Variants in KCNH7 observed in about 807,000 individuals in gnomAD.
KCNH7 encodes potassium voltage-gated channel subfamily H member 7.
Under a neutral mutation model 120.8 loss-of-function variants are expected in KCNH7, and 49 were observed. That is an observed-to-expected ratio of 0.41 (90% CI 0.32 to 0.51). KCNH7 has a LOEUF of 0.51. Among genes scored for constraint, KCNH7 ranks in the 20% least tolerant of loss-of-function variants. KCNH7 has a pLI of 0.38. For missense variants in KCNH7, 1,097 were observed against 1,446.6 expected (o/e 0.76, Z 3.92); for synonymous variants, 547 against 516.1 (o/e 1.06, Z -0.81).
chr2:162,558,503 C>CTTTTTTT (rs71410015), intron 2 of KCNH7, among the ~76,000 whole-genome samples: 9 of 80,686 alleles, frequency 1.1e-4, no homozygotes, highest in African/African-American at 3.4e-4. Context: ...TTCTCAATGG[C>CTTTTTTT]TTTTTTTTTT....
At chr2:162,505,937 C>T (rs1445048004) in intron 5 of KCNH7, among the ~76,000 whole-genome samples, 1 of 151,842 alleles carries the variant, frequency 6.6e-6, no homozygotes, top group African/African-American at 2.4e-5. Context: ...AGATATAATA[C>T]TAAGAAATCA....
intron 2 of KCNH7, among the ~76,000 whole-genome samples, chr2:162,802,088 T>C (rs891035693): frequency 6.6e-6 from 1 of 151,744 alleles, no homozygotes; most frequent in Non-Finnish European, 1.5e-5. Context: ...TCAGATTCAG[T>C]AGGTCTTGTG....
rs115104472 is a variant in KCNH7, at chr2:162,712,881, T to C, written c.307+123656A>G. ...TCATTTAAAGTAAAGGGAAAAAGTG[T>C]TTACATTTGATTGTAAAATGCCAAT... On this transcript the variant is annotated intron_variant, in intron 2 of 15. Transcript: ENST00000332142. Among the ~76,000 whole-genome samples the C allele has an allele frequency of 3.6e-3, 543 of 152,286 alleles. 4 individuals carry two copies. The highest frequency in any genetic ancestry group is 0.013 in the African/African-American group (522 of 41,562).
At chr2:162,379,731 T>C in intron 14 of KCNH7, 122 bp downstream of exon 14, 1 of 926,424 alleles carries the variant, frequency 1.1e-6, no homozygotes, top group Non-Finnish European at 1.6e-6. Flanking sequence ...TTATTTTAAA[T>C]AAGTAAATGT....
At chr2:162,578,685 A>G (rs1196179660) in intron 2 of KCNH7, among the ~76,000 whole-genome samples, 1 of 152,092 alleles carries the variant, frequency 6.6e-6, no homozygotes, top group African/African-American at 2.4e-5. Context: ...TGGAGAGATC[A>G]TGCTTATTCG....
chr2:162,716,078 T>C (rs1382630350), intron 2 of KCNH7, among the ~76,000 whole-genome samples: 2 of 152,136 alleles, frequency 1.3e-5, no homozygotes, highest in African/African-American at 4.8e-5. Flanking sequence ...CTGTGCTTCT[T>C]ATTCTAAAAG....
intron 2 of KCNH7, among the ~76,000 whole-genome samples, chr2:162,669,168 T>G (rs1217309366): frequency 6.6e-6 from 1 of 152,172 alleles, no homozygotes; most frequent in Non-Finnish European, 1.5e-5. Flanking sequence ...TATTTAGATT[T>G]TTTTAGATTT....
intron 13 of KCNH7, among the ~76,000 whole-genome samples, chr2:162,384,059 TCCTGAATTTCTC>T (rs1006501014): frequency 3.3e-5 from 5 of 151,926 alleles, no homozygotes; most frequent in African/African-American, 1.2e-4. Context: ...CTTTAAATTT[TCCTGAATTTCTC>T]ATTTTTTAGC....
At chr2:162,706,415 T>C (rs564730717) in intron 2 of KCNH7, among the ~76,000 whole-genome samples, 1 of 152,234 alleles carries the variant, frequency 6.6e-6, no homozygotes, top group East Asian at 1.9e-4. Context: ...TGTGCTTTAT[T>C]ACAATCTCAT....
intron 2 of KCNH7, among the ~76,000 whole-genome samples, chr2:162,728,231 G>A (rs970907569): frequency 6.6e-6 from 1 of 151,438 alleles, no homozygotes; most frequent in Non-Finnish European, 1.5e-5. Flanking sequence ...GTGATTTTAA[G>A]TTGAATTTCT....
chr2:162,458,131 G>GTA (rs1426772814), intron 6 of KCNH7, among the ~76,000 whole-genome samples: 1 of 151,478 alleles, frequency 6.6e-6, no homozygotes, highest in African/African-American at 2.4e-5. Flanking sequence ...GTGTGTGTGT[G>GTA]TGTTGGGTGG....
chr2:162,470,202 T>C (rs1407984778), intron 6 of KCNH7, among the ~76,000 whole-genome samples: 4 of 146,780 alleles, frequency 2.7e-5, no homozygotes, highest in Non-Finnish European at 6.0e-5. Context: ...TCTGCCTGGC[T>C]GCCCAGTCTG....
rs560298341 is a variant in KCNH7, at chr2:162,697,722, C to A, written c.307+138815G>T. On this transcript the variant is annotated intron_variant, in intron 2 of 15. Transcript: ENST00000332142. ...ATTTGTTTTGCATGATTTTCTGTGT[C>A]AGTGCTTTATTTATTAATATTCCAA... Among the ~76,000 whole-genome samples, 121 of 152,072 alleles carry A rather than the reference C, an allele frequency of 8.0e-4. 1 individual carries two copies. The highest frequency in any genetic ancestry group is 3.4e-3 in the Middle Eastern group (1 of 294).
At chr2:162,478,759 T>A (rs2105672473) in intron 6 of KCNH7, among the ~76,000 whole-genome samples, 1 of 152,252 alleles carries the variant, frequency 6.6e-6, no homozygotes, top group South Asian at 2.1e-4. Flanking sequence ...TCATGATTCA[T>A]TGATGTTTCT....
intron 2 of KCNH7, among the ~76,000 whole-genome samples, chr2:162,597,201 C>T (rs1478492516): frequency 6.6e-6 from 1 of 151,986 alleles, no homozygotes; most frequent in Admixed American, 6.6e-5. Context: ...GGTGATACAT[C>T]CAAATGAATT....
chr2:162,449,277 C>CT (rs1179082512), intron 6 of KCNH7, among the ~76,000 whole-genome samples: 2 of 151,852 alleles, frequency 1.3e-5, no homozygotes, highest in African/African-American at 2.4e-5. Flanking sequence ...TATACAGGCT[C>CT]TTTTTTTAAA....
chr2:162,708,421 G>A (rs569961384), intron 2 of KCNH7, among the ~76,000 whole-genome samples: 89 of 152,122 alleles, frequency 5.9e-4, no homozygotes, highest in African/African-American at 1.9e-3. Context: ...TCAAAGTCCC[G>A]AAAGTATTGA....
chr2:162,395,036 AT>A (rs546797854), intron 11 of KCNH7, among the ~76,000 whole-genome samples: 33 of 151,938 alleles, frequency 2.2e-4, no homozygotes, highest in African/African-American at 7.5e-4. Flanking sequence ...CATCCTTATG[AT>A]TTTTTAATAA....
chr2:162,786,059 T>G (rs147389294), intron 2 of KCNH7, among the ~76,000 whole-genome samples: 1,777 of 151,818 alleles, frequency 0.012, 38 homozygotes, highest in African/African-American at 0.04. Context: ...TGACCAACAT[T>G]GTGAAACCCC....
Sources: allele counts gnomAD v4.1 joint callset (sites outside exome capture counted in the v4.1 genomes callset), GRCh38; gene constraint gnomAD v4.1.1; transcripts MANE v1.5; gene names NCBI Gene and HGNC (gene_info 2026-07-23, HGNC 2026-07-21).